The following GRM5 variants were observed in gnomAD, a reference collection of about 807,000 sequenced individuals.
GRM5 encodes the protein glutamate metabotropic receptor 5, also known as metabotropic glutamate receptor 5.
Under a neutral mutation model 83.1 loss-of-function variants are expected in GRM5, and 19 were observed. The observed-to-expected ratio is 0.23, with a 90% CI of 0.16 to 0.34. GRM5 has a LOEUF of 0.34. Among genes scored for constraint, GRM5 ranks in the 10% least tolerant of loss-of-function variants. The pLI, the probability that GRM5 is intolerant of heterozygous loss-of-function variation, is 1.00. For missense variants in GRM5, 1,160 were observed against 1,588.3 expected, an observed-to-expected ratio of 0.73 and a Z score of 4.58; for synonymous variants, 675 against 633.6, an observed-to-expected ratio of 1.07 and a Z score of -0.98.
chr11:88,898,754 C>T (rs661177), intron 2 of GRM5, among the ~76,000 whole-genome samples: 92,902 of 151,644 alleles, frequency 0.61, 28,721 homozygotes, highest in Admixed American at 0.72. Flanking sequence ...ATTTTTCTTT[C>T]CATTCGTTAC....
intron 3 of GRM5, among the ~76,000 whole-genome samples, chr11:88,670,841 T>C: frequency 6.6e-6 from 1 of 152,112 alleles, no homozygotes; most frequent in Non-Finnish European, 1.5e-5. Flanking sequence ...TTCTCAATCA[T>C]TGATTTTAAG....
intron 8 of GRM5, among the ~76,000 whole-genome samples, chr11:88,556,793 G>A (rs540010445): frequency 2.6e-5 from 4 of 152,022 alleles, no homozygotes; most frequent in Admixed American, 6.6e-5. Flanking sequence ...CGCTGACAAG[G>A]CTCACTTCCC....
chr11:88,924,071 C>T (rs1945741665), intron 2 of GRM5, among the ~76,000 whole-genome samples: 3 of 149,858 alleles, frequency 2.0e-5, no homozygotes, highest in South Asian at 4.2e-4. Flanking sequence ...CACTAATCAT[C>T]AGGGAAATGA....
chr11:89,014,614 G>A (rs2135097153), intron 2 of GRM5, among the ~76,000 whole-genome samples: 1 of 152,230 alleles, frequency 6.6e-6, no homozygotes, highest in African/African-American at 2.4e-5. Flanking sequence ...CTATTTGATA[G>A]CACAACAGGG....
intron 3 of GRM5, among the ~76,000 whole-genome samples, chr11:88,737,024 T>C (rs927452865): frequency 2.0e-5 from 3 of 152,028 alleles, no homozygotes; most frequent in African/African-American, 2.4e-5. Flanking sequence ...TCTAAACAAA[T>C]TGATTATAGA....
chr11:88,721,831 A>AAAT (rs1941547295), intron 3 of GRM5, among the ~76,000 whole-genome samples: 1 of 152,166 alleles, frequency 6.6e-6, no homozygotes. Context: ...ATGTGAAAAG[A>AAAT]AATTGACAAA....
chr11:88,570,569 A>T (rs1329966343), intron 7 of GRM5, among the ~76,000 whole-genome samples: 34 of 73,842 alleles, frequency 4.6e-4, no homozygotes, highest in Non-Finnish European at 5.5e-4. Context: ...ATATATATAT[A>T]TATTTTTTTT....
chr11:88,794,162 T>A (rs1943231599), intron 3 of GRM5, among the ~76,000 whole-genome samples: 1 of 152,186 alleles, frequency 6.6e-6, no homozygotes, highest in South Asian at 2.1e-4. Context: ...GGAACATGCA[T>A]GTTCTTAAGC....
intron 2 of GRM5, among the ~76,000 whole-genome samples, chr11:88,981,559 T>A (rs1321476773): frequency 5.3e-5 from 8 of 152,182 alleles, no homozygotes; most frequent in Admixed American, 5.2e-4. Flanking sequence ...GAGACAGTCA[T>A]TCGTTCTGGC....
At chr11:88,801,399 G>A (rs374592415) in intron 3 of GRM5, among the ~76,000 whole-genome samples, 23 of 152,224 alleles carry the variant, frequency 1.5e-4, no homozygotes, top group African/African-American at 5.3e-4. Flanking sequence ...ACCCTCAAAG[G>A]TAATTTGCAC....
intron 2 of GRM5, among the ~76,000 whole-genome samples, chr11:88,885,679 A>T (rs12281212): frequency 0.03 from 4,548 of 152,086 alleles, 219 homozygotes; most frequent in African/African-American, 0.1. Flanking sequence ...TCATAAAAAA[A>T]AATCTCCAGT....
intron 2 of GRM5, among the ~76,000 whole-genome samples, chr11:88,986,908 C>A (rs1475964954): frequency 2.6e-5 from 4 of 151,908 alleles, no homozygotes; most frequent in African/African-American, 9.7e-5. Flanking sequence ...AGAGTCCAGG[C>A]CTGGCATGGT....
intron 3 of GRM5, among the ~76,000 whole-genome samples, chr11:88,763,815 A>G (rs1942576252): frequency 6.6e-6 from 1 of 151,798 alleles, no homozygotes; most frequent in Non-Finnish European, 1.5e-5. Context: ...GGAAGTTATT[A>G]ATGCAGAAAA....
intron 3 of GRM5, among the ~76,000 whole-genome samples, chr11:88,793,218 T>G (rs1029127004): frequency 6.6e-5 from 10 of 152,178 alleles, no homozygotes; most frequent in African/African-American, 1.9e-4. Context: ...AGCCCAAACT[T>G]AAACCTAAGG....
chr11:88,966,751 C>G (rs1163423794), intron 2 of GRM5, among the ~76,000 whole-genome samples: 52 of 152,244 alleles, frequency 3.4e-4, no homozygotes, highest in Non-Finnish European at 2.9e-5. Context: ...ACTTTGAAGT[C>G]TCCCCCCTGG....
intron 7 of GRM5, among the ~76,000 whole-genome samples, chr11:88,569,386 T>A (rs1051704798): frequency 6.6e-5 from 10 of 152,234 alleles, no homozygotes; most frequent in African/African-American, 2.4e-4. Flanking sequence ...CATGTCAATA[T>A]CTATTCTCCC....
At chr11:88,687,552 A>AT (rs1345045251) in intron 3 of GRM5, among the ~76,000 whole-genome samples, 2 of 7,222 alleles carry the variant, frequency 2.8e-4, no homozygotes, top group Non-Finnish European at 3.4e-4. Flanking sequence ...ACACACACAC[A>AT]CATATATATT....
chr11:89,022,978 G>T (rs1233105360), intron 2 of GRM5, among the ~76,000 whole-genome samples: 1 of 152,168 alleles, frequency 6.6e-6, no homozygotes, highest in Non-Finnish European at 1.5e-5. Context: ...CAAAATCAGG[G>T]ATGGGTCCCA....
At chr11:88,626,615 C>T (rs1504082) in intron 4 of GRM5, among the ~76,000 whole-genome samples, 2,838 of 152,154 alleles carry the variant, frequency 0.019, 86 homozygotes, top group African/African-American at 0.064. Flanking sequence ...TTATTAAATG[C>T]CAGAGACTGT....
Sources: gnomAD v4.1 joint callset for allele counts (sites outside exome capture counted in the v4.1 genomes callset) on GRCh38, gnomAD v4.1.1 for gene constraint, MANE v1.5 for transcripts, NCBI Gene and HGNC (gene_info 2026-07-23, HGNC 2026-07-21) for gene names.